The following DNAI2 variants were observed in gnomAD, a reference collection of about 807,000 sequenced individuals.
DNAI2 encodes the protein dynein, axonemal, intermediate polypeptide 2.
Under a neutral mutation model 74.7 loss-of-function variants are expected in DNAI2, and 63 were observed. The observed-to-expected ratio is 0.84, with a 90% CI of 0.69 to 1.04. The LOEUF (loss-of-function observed/expected upper bound fraction) is 1.04, where lower values mean the gene tolerates loss of function less well. Ranked by LOEUF, DNAI2 falls within the 50% of genes least tolerant of loss-of-function variation. The pLI is 0.00. For synonymous variants in DNAI2, 289 were observed against 314.9 expected (o/e 0.92, Z 0.87); for missense variants, 688 against 803.2 (o/e 0.86, Z 1.73).
chr17:74,281,280 A>G (rs964365347), intron 1 of DNAI2, among the ~76,000 whole-genome samples: 1 of 151,934 alleles, frequency 6.6e-6, no homozygotes, highest in Admixed American at 6.6e-5. Flanking sequence ...TTATTTTGAG[A>G]CAGAGTCTTG....
chr17:74,291,020 A>G lies in DNAI2; in HGVS notation c.611A>G (p.Glu204Gly). 6.2e-7 allele frequency: 1 copy of G among 1,613,894 alleles called. No homozygotes were observed. Among genetic ancestry groups the G allele is most frequent in the Non-Finnish European group, 8.5e-7 (1 of 1,179,848 alleles). ...GGGATAATTTTTTTGTGCTTTATAGAAAACCCCAACAAGCCTGAACTTGCT... is the reference window on the plus strand; with the variant it reads ...GGGATAATTTTTTTGTGCTTTATAGGAAACCCCAACAAGCCTGAACTTGCT... ...MSSDSYIWDL[E>G]NPNKPELALK... The change falls in exon 6 of 14, where the codon GAA becomes GGA. Residue 204 changes from glutamate to glycine, a missense_variant and splice_region_variant. Transcript: ENST00000311014.
rs1014893633 is a variant in DNAI2, at chr17:74,277,246, G to A, written c.-12+2901G>A. ...TACTAAAAATACAAAAATTAGCCGC[G>A]AATGGTGGCATGTGCCTGTAATCCC... On this transcript the variant is annotated intron_variant, in intron 1 of 13. Transcript: ENST00000311014. Among the ~76,000 whole-genome samples the A allele has an allele frequency of 2.0e-5, 3 of 152,182 alleles. No homozygotes were observed. The South Asian group carries it at 6.2e-4, about 32-fold the overall frequency.
intron 4 of DNAI2, among the ~76,000 whole-genome samples, chr17:74,288,407 A>G (rs56181128): frequency 0.21 from 31,956 of 152,182 alleles, 3,563 homozygotes; most frequent in Non-Finnish European, 0.24. Flanking sequence ...AGCCAACATC[A>G]TTAGATAAGG....
At position 74,291,152 on chromosome 17, in the gene DNAI2, TTTTTTA is replaced by T. The variant is rs759506250; in HGVS notation, c.724+37_724+42del. On this transcript the variant is annotated intron_variant, in intron 6 of 13. Coordinates refer to ENST00000311014, the MANE Select transcript of DNAI2 (RefSeq NM_023036.6). ...CAGATAGGTAAGGAGGGACCTAGGC[TTTTTTA>T]TTTTTATTTTTATTTTTTTTAGATG... The T allele has an allele frequency of 1.3e-5, 20 of 1,541,156 alleles. No homozygotes were observed. The highest frequency in any genetic ancestry group is 2.2e-5 in the East Asian group (1 of 44,490).
chr17:74,310,470 T>G (rs933410779), intron 11 of DNAI2, among the ~76,000 whole-genome samples: 8 of 152,028 alleles, frequency 5.3e-5, no homozygotes, highest in Non-Finnish European at 7.4e-5. Context: ...TTTTTTTTTT[T>G]TGTGGAAACT....
At chr17:74,305,183 G>A (rs376719069) in intron 8 of DNAI2, 36 bp from the exon 9 acceptor site, 72 of 1,606,198 alleles carry the variant, frequency 4.5e-5, no homozygotes, top group African/African-American at 2.1e-4. Context: ...TTGATGGTTC[G>A]TGGAGTCTTC....
intron 3 of DNAI2, among the ~76,000 whole-genome samples, chr17:74,285,676 G>A (rs903918947): frequency 1.3e-5 from 2 of 152,050 alleles, no homozygotes; most frequent in Non-Finnish European, 2.9e-5. Context: ...CTGTCCCAAA[G>A]AGATTGCAGT....
intron 10 of DNAI2, 156 bp downstream of exon 10, chr17:74,309,544 G>T (rs1361306398): frequency 3.7e-6 from 4 of 1,074,974 alleles, no homozygotes; most frequent in Admixed American, 3.9e-5. Flanking sequence ...TGCAGCGATT[G>T]CTTTTGAGCG....
chr17:74,305,567 C>A (rs895202009), intron 9 of DNAI2, 125 bp downstream of exon 9: 4 of 807,622 alleles, frequency 5.0e-6, no homozygotes, highest in Non-Finnish European at 7.9e-6. Context: ...TCCACAAACA[C>A]CCGAGCTCGT....
At chr17:74,310,689 C>T (rs983578126) in intron 11 of DNAI2, among the ~76,000 whole-genome samples, 5 of 151,746 alleles carry the variant, frequency 3.3e-5, no homozygotes, top group Non-Finnish European at 7.4e-5. Flanking sequence ...CAAGTGCATA[C>T]CACCACGCCC....
At chr17:74,298,909 C>A (rs540186199) in intron 6 of DNAI2, among the ~76,000 whole-genome samples, 2 of 152,302 alleles carry the variant, frequency 1.3e-5, no homozygotes, top group African/African-American at 2.4e-5. Flanking sequence ...CAAGCATGAG[C>A]CACTGTGCTT....
At chr17:74,290,953 G>T in intron 5 of DNAI2, 67 bp from the exon 6 acceptor site, 1 of 1,431,216 alleles carries the variant, frequency 7.0e-7, no homozygotes, top group Non-Finnish European at 9.9e-7. Flanking sequence ...CGCAGAAGGG[G>T]TGAAACTGGT....
At position 74,310,808 on chromosome 17, in the gene DNAI2, G is replaced by A. The variant is rs570252099; in HGVS notation, c.1494+645G>A. 1.4e-4 allele frequency among the ~76,000 whole-genome samples: 21 copies of A among 152,224 alleles called. No homozygotes were observed. The South Asian group carries it at 3.1e-3, about 23-fold the overall frequency. The stretch of plus-strand genomic sequence containing the variant: ...GCCCACCCTGGCCTCCGAAAGTGCT[G>A]GGATTATAGGCGTGAGCCACCGTGC... On this transcript the variant is annotated intron_variant, in intron 11 of 13. Coordinates refer to ENST00000311014, the MANE Select transcript of DNAI2 (RefSeq NM_023036.6).
intron 5 of DNAI2, among the ~76,000 whole-genome samples, chr17:74,290,038 G>A (rs548521485): frequency 8.5e-5 from 13 of 152,260 alleles, no homozygotes; most frequent in South Asian, 4.2e-4. Flanking sequence ...ATATCAGGCC[G>A]GGCTCGGTGG....
rs1290123149 is a variant in DNAI2 at position 74,300,607 on chromosome 17, A to C, written c.865-439A>C. On this transcript the variant is annotated intron_variant, in intron 7 of 13. Transcript: ENST00000311014. This position sits in a 1 kb window ranked among gnomAD's most constrained non-coding sequence, Gnocchi z 4.5. ...ATATTTTGTTGCTACCCCCCAAAAAATACAGCAAAGAGCATCTTTATACAC... is the reference window on the plus strand; with the variant it reads ...ATATTTTGTTGCTACCCCCCAAAAACTACAGCAAAGAGCATCTTTATACAC... 6.6e-6 allele frequency among the ~76,000 whole-genome samples: 1 copy of C among 152,246 alleles called. No homozygotes were observed. The highest frequency in any genetic ancestry group is 1.5e-5 in the Non-Finnish European group (1 of 68,044).
intron 1 of DNAI2, chr17:74,281,451 T>G: frequency 2.1e-6 from 1 of 480,066 alleles, no homozygotes; most frequent in Non-Finnish European, 3.7e-6. Flanking sequence ...AGAGATGGGG[T>G]TTCACCATGT....
At chr17:74,301,195 C>T (rs371451281) in intron 8 of DNAI2, 27 bp downstream of exon 8, 26 of 1,612,258 alleles carry the variant, frequency 1.6e-5, no homozygotes, top group Admixed American at 3.3e-5. Context: ...GTCCCTTCCC[C>T]GACTTGCATT....
At chr17:74,301,220 G>T (rs1245982510) in intron 8 of DNAI2, 52 bp downstream of exon 8, 1 of 1,609,528 alleles carries the variant, frequency 6.2e-7, no homozygotes, top group South Asian at 1.1e-5. Flanking sequence ...GGGCAGCCAG[G>T]GCTAAAGACA....
chr17:74,285,946 T>TACACAC (rs140598637), intron 3 of DNAI2, among the ~76,000 whole-genome samples: 1 of 137,916 alleles, frequency 7.3e-6, no homozygotes, highest in Non-Finnish European at 1.6e-5. Flanking sequence ...GAGTGCCATA[T>TACACAC]ACACACACAC....
Sources: allele counts gnomAD v4.1 joint callset (sites outside exome capture counted in the v4.1 genomes callset), GRCh38; gene constraint gnomAD v4.1.1; non-coding constraint Gnocchi (gnomAD v3.1); transcripts MANE v1.5; gene names NCBI Gene and HGNC (gene_info 2026-07-23, HGNC 2026-07-21).